Variants in PPIE observed in about 807,000 individuals in gnomAD.
PPIE encodes the protein peptidyl-prolyl cis-trans isomerase E.
Under a neutral mutation model 38.4 loss-of-function variants are expected in PPIE, and 20 were observed. That is an observed-to-expected ratio of 0.52 (90% CI 0.37 to 0.76). The LOEUF is 0.76. Among genes scored for constraint, PPIE ranks in the 30% least tolerant of loss-of-function variants. The probability of loss-of-function intolerance (pLI) is 0.00; values close to 1 mark genes in which losing one functional copy is unlikely to be tolerated. For missense variants in PPIE, 322 were observed against 385.8 expected (o/e 0.83, Z 1.39); for synonymous variants, 142 against 135.7 (o/e 1.05, Z -0.32).
rs1393346221 is a variant in PPIE at position 39,753,513 on chromosome 1, C to A, written c.*158C>A. On this transcript the variant is annotated 3_prime_UTR_variant, in exon 10 of 10. Transcript: ENST00000324379. ...GGGTCTGCTTGGAGCAGCTCCTCTG[C>A]AGGCACAGCCTGGACTATTCCCAGG... 1 of 1,438,422 alleles carries A rather than the reference C, an allele frequency of 7.0e-7. No homozygotes were observed. The highest frequency in any genetic ancestry group is 2.5e-5 in the East Asian group (1 of 39,416). The allele number at this position is 1,438,422 out of a possible 1,614,324, so 89.1% of individuals were successfully genotyped here.
chr1:39,741,061 A>G (rs540480686), intron 2 of PPIE, among the ~76,000 whole-genome samples: 29 of 152,214 alleles, frequency 1.9e-4, no homozygotes, highest in African/African-American at 6.7e-4. Flanking sequence ...AAATGACTTT[A>G]TTTTTCTAAT....
intron 8 of PPIE, 114 bp downstream of exon 8, chr1:39,749,202 G>C (rs1013223667): frequency 1.8e-6 from 2 of 1,131,658 alleles, no homozygotes; most frequent in African/African-American, 3.1e-5. Flanking sequence ...GTCTGGAGGA[G>C]ACCCAGCCAC....
intron 9 of PPIE, chr1:39,763,048 G>A (rs1553127202): frequency 1.9e-6 from 3 of 1,600,730 alleles, no homozygotes; most frequent in Non-Finnish European, 8.6e-7. Context: ...TCTCCACAGG[G>A]CCCCCCACCC....
At chr1:39,739,075 T>A in intron 1 of PPIE, 144 bp downstream of exon 1, 1 of 905,610 alleles carries the variant, frequency 1.1e-6, no homozygotes, top group Non-Finnish European at 1.5e-6. Context: ...GCGATAGCTC[T>A]GGCTGTGCTT....
chr1:39,741,465 A>G, intron 3 of PPIE, 56 bp downstream of exon 3: 2 of 1,582,116 alleles, frequency 1.3e-6, no homozygotes, highest in Middle Eastern at 1.7e-4. Flanking sequence ...GTTACTGATT[A>G]CAAAGGAAGC....
In PPIE at chr1:39,740,149, C is replaced by T. The variant is rs899016328; in HGVS notation, c.32-16C>T. On this transcript the variant is annotated splice_polypyrimidine_tract_variant and intron_variant, in intron 1 of 9. Coordinates refer to ENST00000324379, the MANE Select transcript of PPIE (RefSeq NM_006112.4). The stretch of plus-strand genomic sequence containing the variant: ...ATGGAGATCAGTGGCTCAGAAGGCC[C>T]TTGGCTTATTTGCAGGTGGACTGGC... The T allele has an allele frequency of 1.9e-6, 3 of 1,611,078 alleles. No homozygotes were observed. The highest frequency in any genetic ancestry group is 2.7e-5 in the African/African-American group (2 of 74,860).
chr1:39,750,831 C>G (rs766032814), intron 8 of PPIE, among the ~76,000 whole-genome samples: 1 of 152,176 alleles, frequency 6.6e-6, no homozygotes, highest in Non-Finnish European at 1.5e-5. Flanking sequence ...GTTTTTCTAA[C>G]TGGTGGTTTG....
At chr1:39,763,715 C>A (rs1284016425) in exon 10 of PPIE, 1 of 1,599,908 alleles carries the variant, frequency 6.3e-7, no homozygotes, top group Non-Finnish European at 8.5e-7. Context: ...CAATTACCAG[C>A]CAGCCGAGGT....
At chr1:39,738,986 G>A (rs1329467323) in intron 1 of PPIE, 55 bp downstream of exon 1, 2 of 1,391,828 alleles carry the variant, frequency 1.4e-6, no homozygotes, top group Non-Finnish European at 9.4e-7. Flanking sequence ...CCCAAGGGTC[G>A]GGGCGTGGGG....
At chr1:39,740,094 T>C in intron 1 of PPIE, 71 bp from the exon 2 acceptor site, 1 of 1,236,960 alleles carries the variant, frequency 8.1e-7, no homozygotes, top group South Asian at 1.2e-5. Context: ...GCTAGCATGC[T>C]AACTGGGCTG....
At chr1:39,740,089 C>A in intron 1 of PPIE, 76 bp from the exon 2 acceptor site, 1 of 1,141,350 alleles carries the variant, frequency 8.8e-7, no homozygotes, top group South Asian at 1.3e-5. Flanking sequence ...CCCTGGCTAG[C>A]ATGCTAACTG....
chr1:39,743,970 A>G (rs1352428275), intron 6 of PPIE, 46 bp downstream of exon 6: 2 of 1,383,822 alleles, frequency 1.4e-6, no homozygotes, highest in African/African-American at 2.9e-5. Context: ...GGCGCTGTCC[A>G]CAGGAGACTT....
At chr1:39,740,383 T>C in intron 2 of PPIE, 120 bp downstream of exon 2, 1 of 725,810 alleles carries the variant, frequency 1.4e-6, no homozygotes, top group East Asian at 2.9e-5. Context: ...TACAGGTAAG[T>C]TCAGGAAGGT....
chr1:39,744,882 T>G (rs1647154622), intron 6 of PPIE, among the ~76,000 whole-genome samples: 1 of 152,220 alleles, frequency 6.6e-6, no homozygotes, highest in Non-Finnish European at 1.5e-5. Flanking sequence ...CACTGTCTTC[T>G]GAGCACTTAG....
intron 9 of PPIE, among the ~76,000 whole-genome samples, chr1:39,761,885 G>A (rs369287958): frequency 1.3e-5 from 2 of 152,238 alleles, no homozygotes; most frequent in African/African-American, 2.4e-5. Flanking sequence ...AGAGCGCAGC[G>A]CCTGTCTGTT....
exon 10 of PPIE, chr1:39,763,736 G>C: frequency 6.2e-7 from 1 of 1,603,246 alleles, no homozygotes; most frequent in South Asian, 1.1e-5. Flanking sequence ...CCTGGAAGCT[G>C]ACGTAGAGCT....
At chr1:39,760,156 C>T (rs374226071), downstream of PPIE, 55 of 565,354 alleles carry the variant, frequency 9.7e-5, no homozygotes, top group East Asian at 7.3e-4. Flanking sequence ...GACATGCCTC[C>T]GGGAGAGGCG....
chr1:39,741,576 T>G, intron 3 of PPIE, 167 bp downstream of exon 3: 1 of 731,110 alleles, frequency 1.4e-6, no homozygotes, highest in Non-Finnish European at 2.3e-6. Flanking sequence ...ATAATCAGAC[T>G]GGACTGTGAA....
chr1:39,760,952 T>G (rs1006282908), downstream of PPIE, among the ~76,000 whole-genome samples: 9 of 152,074 alleles, frequency 5.9e-5, no homozygotes, highest in African/African-American at 2.2e-4. Context: ...CTTTCTTCTT[T>G]TGGCCCTTCG....
Sources: gnomAD v4.1 joint callset for allele counts (sites outside exome capture counted in the v4.1 genomes callset) on GRCh38, gnomAD v4.1.1 for gene constraint, MANE v1.5 for transcripts, NCBI Gene and HGNC (gene_info 2026-07-23, HGNC 2026-07-21) for gene names.